CCDC73: variants seen among roughly 807,000 people sequenced by gnomAD.
CCDC73 encodes coiled-coil domain-containing protein 73.
Under a neutral mutation model 116.5 loss-of-function variants are expected in CCDC73, and 95 were observed. The ratio of observed to expected loss-of-function variants is 0.82; its 90% confidence interval spans 0.69 to 0.97. The LOEUF is 0.97. Among genes scored for constraint, CCDC73 ranks in the 50% least tolerant of loss-of-function variants. The pLI is 0.00. For synonymous variants in CCDC73, 398 were observed against 401.3 expected (o/e 0.99, Z 0.10); for missense variants, 1,066 against 1,206.8 (o/e 0.88, Z 1.73).
intron 1 of CCDC73, among the ~76,000 whole-genome samples, chr11:32,777,328 C>A (rs980125118): frequency 6.6e-6 from 1 of 152,030 alleles, no homozygotes; most frequent in Non-Finnish European, 1.5e-5. Flanking sequence ...TGGTCTTGAA[C>A]TCCTGACCTC....
the CCDC73 span, among the ~76,000 whole-genome samples, chr11:32,820,327 GT>G: frequency 6.6e-6 from 1 of 151,598 alleles, no homozygotes; most frequent in East Asian, 1.9e-4. Context: ...TAATTTTTCA[GT>G]TTTTTTTGTA....
chr11:32,787,461 A>G (rs1850638227), intron 1 of CCDC73, among the ~76,000 whole-genome samples: 1 of 152,220 alleles, frequency 6.6e-6, no homozygotes, highest in South Asian at 2.1e-4. Context: ...ATTTACAACT[A>G]TAAAAAATTT....
rs200993626 is a variant in CCDC73 at position 32,721,773 on chromosome 11, A to G, written c.136-3626T>C. On this transcript the variant is annotated intron_variant, in intron 2 of 17. Coordinates refer to ENST00000335185, the MANE Select transcript of CCDC73 (RefSeq NM_001008391.4). ...CCACAGTGCCCGGCTAATTTTTTGT[A>G]TTTTTAGTAGAGACGGGGTTTCACT... 8.6e-5 allele frequency among the ~76,000 whole-genome samples: 13 copies of G among 151,654 alleles called. No homozygotes were observed. The East Asian group carries it at 1.8e-3, about 21-fold the overall frequency.
chr11:32,802,715 G>A, the CCDC73 span, among the ~76,000 whole-genome samples: 1 of 152,060 alleles, frequency 6.6e-6, no homozygotes, highest in African/African-American at 2.4e-5. Context: ...CTTGTACCTG[G>A]CTATCACAGC....
intron 1 of CCDC73, among the ~76,000 whole-genome samples, chr11:32,774,131 T>C (rs1322303212): frequency 6.6e-6 from 1 of 152,168 alleles, no homozygotes; most frequent in Non-Finnish European, 1.5e-5. Context: ...TACTCCTAAC[T>C]AGAATTGCCA....
chr11:32,753,293 CT>C (rs11309977), intron 2 of CCDC73, among the ~76,000 whole-genome samples: 62,912 of 127,604 alleles, frequency 0.49, 10,325 homozygotes, highest in East Asian at 0.73. Flanking sequence ...TTCTTTTCTG[CT>C]TTTTTTTTTT....
At chr11:32,830,322 G>T in the CCDC73 span, 1 of 852,346 alleles carries the variant, frequency 1.2e-6, no homozygotes, top group South Asian at 3.6e-5. Context: ...TGGGCACGGC[G>T]TTTGTCCCAG....
At chr11:32,783,828 G>A (rs1174114983) in intron 1 of CCDC73, among the ~76,000 whole-genome samples, 1 of 152,138 alleles carries the variant, frequency 6.6e-6, no homozygotes, top group Non-Finnish European at 1.5e-5. Flanking sequence ...AGAAAGAGAG[G>A]AAAGGAACCC....
chr11:32,766,822 G>A (rs534201758), intron 1 of CCDC73, among the ~76,000 whole-genome samples: 1 of 152,202 alleles, frequency 6.6e-6, no homozygotes, highest in South Asian at 2.1e-4. Flanking sequence ...AATAAAAGAG[G>A]ACATAAACAA....
chr11:32,758,366 T>G (rs1181321628), intron 2 of CCDC73: 1 of 507,974 alleles, frequency 2.0e-6, no homozygotes, highest in Non-Finnish European at 3.9e-6. Flanking sequence ...TTGTTTACCT[T>G]TATACCAAGA....
intron 1 of CCDC73, among the ~76,000 whole-genome samples, chr11:32,760,517 A>G (rs1431586158): frequency 6.6e-6 from 1 of 152,322 alleles, no homozygotes; most frequent in East Asian, 1.9e-4. Flanking sequence ...CTAAAGACCC[A>G]TCTTCTAAAG....
chr11:32,609,946 A>T (rs1393391765), intron 17 of CCDC73, among the ~76,000 whole-genome samples: 3 of 138,588 alleles, frequency 2.2e-5, no homozygotes, highest in South Asian at 2.4e-4. Context: ...AGCCCAGCTA[A>T]TTTTTTTTTT....
chr11:32,742,467 T>A (rs1435977105), intron 2 of CCDC73, among the ~76,000 whole-genome samples: 1 of 152,246 alleles, frequency 6.6e-6, no homozygotes, highest in South Asian at 2.1e-4. Flanking sequence ...TTGAGAAGTG[T>A]CTGTTCACAT....
rs781654336 is a variant in CCDC73 at position 32,602,854 on chromosome 11, CT to C, written c.3196del (p.Arg1066GlufsTer13). ...SLENDNQPKK[R>X]KAEETLEKNN... ...TTTTTCCAACGTCTCTTCTGCTTTT[CT>C]TTTCTTTGGCTGGTTGTCATTTTCT... On this transcript the variant is annotated frameshift_variant, in exon 18 of 18. Coordinates refer to ENST00000335185, the MANE Select transcript of CCDC73 (RefSeq NM_001008391.4). LOFTEE classifies it high-confidence loss of function. 6.2e-7 allele frequency: 1 copy of C among 1,608,338 alleles called. No individual in the cohort carries two copies.
At chr11:32,808,989 A>G in the CCDC73 span, among the ~76,000 whole-genome samples, 1 of 152,210 alleles carries the variant, frequency 6.6e-6, no homozygotes, top group Non-Finnish European at 1.5e-5. Context: ...TGCAGCATAT[A>G]ATAGATAGAA....
chr11:32,610,768 G>T (rs1374519533), intron 17 of CCDC73, among the ~76,000 whole-genome samples: 5 of 152,064 alleles, frequency 3.3e-5, no homozygotes, highest in Admixed American at 3.3e-4. Flanking sequence ...TTTACTTAAG[G>T]ATTATTAAAA....
chr11:32,603,671 T>C (rs1207948553), intron 17 of CCDC73: 1 of 152,224 alleles, frequency 6.6e-6, no homozygotes, highest in Non-Finnish European at 1.5e-5. Flanking sequence ...TATCTCCTAC[T>C]ACTGAATGTT....
chr11:32,734,564 C>G (rs1011957686), intron 2 of CCDC73, among the ~76,000 whole-genome samples: 4 of 151,944 alleles, frequency 2.6e-5, no homozygotes, highest in Admixed American at 6.6e-5. Flanking sequence ...AGGCAGAGGA[C>G]CCTGCAGCCT....
chr11:32,670,879 G>A lies in CCDC73; in HGVS notation c.645+4686C>T, dbSNP rs143064491. On this transcript the variant is annotated intron_variant, in intron 9 of 17. Transcript: ENST00000335185. ...AGAAGGGTATAGAAAATCAGTATAT[G>A]ACTGACAAAAGTAAAAACTAGTAAT... 5.3e-5 allele frequency among the ~76,000 whole-genome samples: 8 copies of A among 152,192 alleles called. No homozygotes were observed. In the East Asian group the frequency reaches 1.5e-3, roughly 29 times the overall value.
Sources: gnomAD v4.1 joint callset for allele counts (sites outside exome capture counted in the v4.1 genomes callset) on GRCh38, gnomAD v4.1.1 for gene constraint, MANE v1.5 for transcripts, NCBI Gene and HGNC (gene_info 2026-07-23, HGNC 2026-07-21) for gene names.